Variants in RIF1 observed in about 807,000 individuals in gnomAD.
The protein encoded by RIF1 is telomere-associated protein RIF1.
A neutral mutation model predicts 247.1 loss-of-function variants in RIF1; 45 were observed. The observed-to-expected ratio is 0.18, with a 90% CI of 0.14 to 0.23. The LOEUF (loss-of-function observed/expected upper bound fraction) is 0.23, where lower values mean the gene tolerates loss of function less well. RIF1 is among the 10% of genes least tolerant of loss of function. The pLI, the probability that RIF1 is intolerant of heterozygous loss-of-function variation, is 1.00. For synonymous variants in RIF1, 1,087 were observed against 978.8 expected (o/e 1.11, Z -2.06); for missense variants, 2,967 against 2,862.5 (o/e 1.04, Z -0.83).
chr2:151,506,187 T>G (rs2068726549), intron 12 of RIF1: 1 of 1,613,006 alleles, frequency 6.2e-7, no homozygotes, highest in Non-Finnish European at 8.5e-7. Context: ...GGTCCTGTGT[T>G]TGTTTCACTC....
At chr2:151,410,106 G>T in intron 1 of RIF1, 73 bp downstream of exon 1, 1 of 694,448 alleles carries the variant, frequency 1.4e-6, no homozygotes, top group South Asian at 1.5e-5. Context: ...GCCCCCTCGC[G>T]GCGAGATGCC....
At chr2:151,525,202 C>G in the RIF1 span, 3 of 1,613,976 alleles carry the variant, frequency 1.9e-6, no homozygotes, top group Non-Finnish European at 2.5e-6. Flanking sequence ...CATGTTTCAC[C>G]TCTGGTGGCT....
At position 151,464,045 on chromosome 2, in the gene RIF1, G is replaced by A. The variant is rs749547078; in HGVS notation, c.4525G>A (p.Glu1509Lys). The change falls in exon 30 of 36, where the codon GAG becomes AAG. Residue 1509 changes from glutamate (E) to lysine (K), a missense_variant. This residue lies in a region of RIF1 where 2,028 missense variants were observed against 1,825.6 expected (regional missense o/e 1.11). Coordinates refer to ENST00000444746, the MANE Select transcript of RIF1 (RefSeq NM_018151.5). ...TEQNKKKADPENIKSEGDGTQ... is the reference protein window; with the variant it reads ...TEQNKKKADPKNIKSEGDGTQ... The stretch of plus-strand genomic sequence containing the variant: ...ACAAAATAAAAAAAAGGCAGACCCT[G>A]AGAACATTAAGTCTGAGGGGGATGG... 1 of 1,612,404 alleles carries A rather than the reference G, an allele frequency of 6.2e-7. No individual in the cohort carries two copies. Among genetic ancestry groups the A allele is most frequent in the South Asian group, 1.1e-5 (1 of 90,720 alleles).
chr2:151,506,071 T>G (rs2068641369), intron 12 of RIF1: 1 of 1,076,684 alleles, frequency 9.3e-7, no homozygotes, highest in African/African-American at 1.6e-5. Flanking sequence ...TATAAGCTGT[T>G]TCTGGTGACA....
At chr2:151,482,578 A>G (rs1227048202), downstream of RIF1, among the ~76,000 whole-genome samples, 1 of 152,110 alleles carries the variant, frequency 6.6e-6, no homozygotes, top group African/African-American at 2.4e-5. Flanking sequence ...CAGATGAAGT[A>G]AATGCCTCAC....
chr2:151,424,914 A>G (rs1163055485), intron 8 of RIF1, among the ~76,000 whole-genome samples: 1 of 140,334 alleles, frequency 7.1e-6, no homozygotes, highest in Non-Finnish European at 1.5e-5. Flanking sequence ...CTCTAACTCA[A>G]GTGATCCGCC....
At position 151,454,912 on chromosome 2, in the gene RIF1, G is replaced by C. The variant is rs1028926801; in HGVS notation, c.2362G>C (p.Asp788His). 1.2e-6 allele frequency: 2 copies of C among 1,607,270 alleles called. No individual in the cohort carries two copies. The highest frequency in any genetic ancestry group is 1.3e-5 in the African/African-American group (1 of 74,768). ...PKVKSPQRPS[D>H]WSKKKNEPLG... Reference sequence around the variant, plus strand: ...GTTTTTAGCACCACAGAGACCTTCAGATTGGTCCAAAAAGAAGAATGAGCC... The same window carrying C: ...GTTTTTAGCACCACAGAGACCTTCACATTGGTCCAAAAAGAAGAATGAGCC... Residue 788 changes from aspartate to histidine, a missense_variant, in exon 22 of 36, where the codon GAT becomes CAT. Physicochemically the swap from Asp to His is moderately conservative, Grantham distance 81. Transcript: ENST00000444746.
chr2:151,433,325 A>G lies in RIF1; in HGVS notation c.1077+97A>G, dbSNP rs1010777767. ...TCCTGTGGTGTTATTTTTGCTATTTATTAGCAGACTAGAACATATAAAAGG... is the reference window on the plus strand; with the variant it reads ...TCCTGTGGTGTTATTTTTGCTATTTGTTAGCAGACTAGAACATATAAAAGG... On this transcript the variant is annotated intron_variant, in intron 10 of 35. Coordinates refer to ENST00000444746, the MANE Select transcript of RIF1 (RefSeq NM_018151.5). 9.8e-6 allele frequency: 9 copies of G among 918,106 alleles called. No homozygotes were observed. The African/African-American group carries it at 9.8e-5, about 10-fold the overall frequency. The allele number at this position is 918,106 out of a possible 1,614,324, so 56.9% of individuals were successfully genotyped here. A position where few individuals can be genotyped will look rare whatever the true frequency, so the allele number is the denominator to read the frequency against.
intron 21 of RIF1, 47 bp downstream of exon 21, chr2:151,451,752 A>G (rs200259501): frequency 1.0e-6 from 1 of 995,332 alleles, no homozygotes; most frequent in Non-Finnish European, 1.6e-6. Context: ...TTTCATAAGC[A>G]GTACTGAACT....
chr2:151,426,040 T>C (rs1689013364), intron 8 of RIF1, among the ~76,000 whole-genome samples: 1 of 151,838 alleles, frequency 6.6e-6, no homozygotes, highest in African/African-American at 2.4e-5. Flanking sequence ...AAGCTCAGTA[T>C]TCTATTCTTG....
chr2:151,435,760 G>GTTT (rs200108983), intron 11 of RIF1, among the ~76,000 whole-genome samples, 180 bp downstream of exon 11: 2 of 148,828 alleles, frequency 1.3e-5, no homozygotes, highest in Non-Finnish European at 3.0e-5. Flanking sequence ...ATGTTTTTCT[G>GTTT]TTTTTTGTTT....
At chr2:151,466,228 C>A (rs1696850273) in intron 30 of RIF1, 108 bp downstream of exon 30, 1 of 660,884 alleles carries the variant, frequency 1.5e-6, no homozygotes, top group African/African-American at 1.8e-5. Flanking sequence ...TATGGCCACT[C>A]ATTTGATTAT....
chr2:151,425,591 C>A (rs1433113483), intron 8 of RIF1, among the ~76,000 whole-genome samples: 1 of 150,556 alleles, frequency 6.6e-6, no homozygotes, highest in Non-Finnish European at 1.5e-5. Flanking sequence ...CATCCTTTTG[C>A]ATGCAGATGT....
chr2:151,512,715 C>T, downstream of RIF1: 1 of 1,553,564 alleles, frequency 6.4e-7, no homozygotes, highest in Non-Finnish European at 8.9e-7. Context: ...TGAGTGATGG[C>T]ATGACGAATG....
At chr2:151,436,782 A>T (rs1202523267) in intron 11 of RIF1, 45 bp from the exon 12 acceptor site, 10 of 1,414,546 alleles carry the variant, frequency 7.1e-6, no homozygotes, top group Non-Finnish European at 8.6e-6. Flanking sequence ...TAGCTAATAT[A>T]AAATGAGCTT....
In RIF1 at chr2:151,465,634, A is replaced by G; in HGVS notation, c.6114A>G (p.Glu2038=). 1.2e-6 allele frequency: 2 copies of G among 1,614,140 alleles called. No individual in the cohort carries two copies. The highest frequency in any genetic ancestry group is 8.5e-7 in the Non-Finnish European group (1 of 1,180,024). ...TGGCTGAAACTGGCCATGATGGTGA[A>G]ACAGAGAATGAGGGCATAACTACCA... is the stretch of plus-strand genomic sequence containing the variant. ...EAMAETGHDG[E]TENEGITTKT... is the part of the protein sequence containing the mutation. The change falls in exon 30 of 36, where the codon GAA becomes GAG. Residue 2038 remains glutamate, a synonymous_variant. Transcript: ENST00000444746.
intron 33 of RIF1, among the ~76,000 whole-genome samples, 189 bp from the exon 34 acceptor site, chr2:151,469,522 T>C (rs1430535255): frequency 6.6e-6 from 1 of 152,182 alleles, no homozygotes; most frequent in Admixed American, 6.5e-5. Context: ...GCCAGTACTG[T>C]TGCTTATACC....
intron 18 of RIF1, among the ~76,000 whole-genome samples, chr2:151,444,182 G>C (rs1159546974): frequency 6.6e-6 from 1 of 152,214 alleles, no homozygotes; most frequent in Non-Finnish European, 1.5e-5. Context: ...AGTGGGTATA[G>C]TGGCAGGCTG....
chr2:151,417,083 T>C (rs1324014565), intron 6 of RIF1, among the ~76,000 whole-genome samples, 182 bp downstream of exon 6: 1 of 152,152 alleles, frequency 6.6e-6, no homozygotes, highest in Non-Finnish European at 1.5e-5. Flanking sequence ...GGTTACTAGG[T>C]TTTTTGTTTA....
Sources: gnomAD v4.1 joint callset for allele counts (sites outside exome capture counted in the v4.1 genomes callset) on GRCh38, gnomAD v4.1.1 for gene constraint, gnomAD v4.1.1 regional missense constraint, MANE v1.5 for transcripts, NCBI Gene and HGNC (gene_info 2026-07-23, HGNC 2026-07-21) for gene names.